The following IRAK3 variants were observed in gnomAD, a reference collection of about 807,000 sequenced individuals.
IRAK3 encodes the protein interleukin-1 receptor-associated kinase 3.
A neutral mutation model predicts 56.6 loss-of-function variants in IRAK3; 57 were observed. That is an observed-to-expected ratio of 1.01 (90% confidence interval 0.81 to 1.26). IRAK3 has a LOEUF of 1.26. IRAK3 is among the 50% of genes most tolerant of loss of function. The pLI is 0.00. For missense variants in IRAK3, 703 were observed against 719.0 expected, an observed-to-expected ratio of 0.98 and a Z score of 0.25; for synonymous variants, 258 against 255.7, an observed-to-expected ratio of 1.01 and a Z score of -0.09.
intron 2 of IRAK3, among the ~76,000 whole-genome samples, chr12:66,204,778 G>GCGCGCGCGCACACACA (rs1026097833): frequency 5.4e-5 from 8 of 147,922 alleles, no homozygotes; most frequent in African/African-American, 1.7e-4. Context: ...GAGCCCTTGC[G>GCGCGCGCGCACACACA]CACACACACA....
intron 5 of IRAK3, among the ~76,000 whole-genome samples, chr12:66,213,727 C>A (rs527748229): frequency 5.3e-5 from 8 of 151,042 alleles, no homozygotes; most frequent in Non-Finnish European, 1.0e-4. Flanking sequence ...GCCTTACTTT[C>A]CTCTCAATTT....
Position 66,189,417 on chromosome 12 carries a change from G to A in IRAK3, c.118G>A (p.Gly40Ser). 1.4e-6 allele frequency: 2 copies of A among 1,409,684 alleles called. No individual in the cohort carries two copies. The highest frequency in any genetic ancestry group is 2.9e-5 in the South Asian group (2 of 69,300). 87.3% of individuals were successfully genotyped at this position (1,409,684 alleles called of 1,614,324 possible). ...TCTGGACAGCTGCGACGGCGCGCTG[G>A]GCTGGCGCGGCCTGGGTGAGTCGGC... ...AVLDSCDGAL[G>S]WRGLAERLSS... Residue 40 changes from glycine (G) to serine (S), a missense_variant, in exon 1 of 12, where the codon GGC (glycine) becomes AGC (serine). Gly to Ser is a moderately conservative substitution (Grantham distance 56). Coordinates refer to ENST00000261233, the MANE Select transcript of IRAK3 (RefSeq NM_007199.3).
Position 66,211,499 on chromosome 12 carries a change from AATTTCC to A in IRAK3, c.492_497del (p.Phe165_His166del). On this transcript the variant is annotated inframe_deletion, in exon 5 of 12. Transcript: ENST00000261233. ...TCAAAATATCATAGAAGGAACTAGA[AATTTCC>A]ACAAAGACTTCCTAATTGGAGAAGG... 6.2e-7 allele frequency: 1 copy of A among 1,606,514 alleles called. No homozygotes were observed. Among genetic ancestry groups the A allele is most frequent in the Non-Finnish European group, 8.5e-7 (1 of 1,172,998 alleles).
intron 1 of IRAK3, chr12:66,197,793 T>C (rs1268570298): frequency 2.0e-6 from 2 of 985,272 alleles, no homozygotes; most frequent in Admixed American, 6.2e-5. Flanking sequence ...ATATTCCAGC[T>C]GAATCTCAGA....
intron 8 of IRAK3, among the ~76,000 whole-genome samples, chr12:66,230,381 G>T (rs1163579069): frequency 6.6e-6 from 1 of 152,174 alleles, no homozygotes; most frequent in African/African-American, 2.4e-5. Flanking sequence ...CAGCTGGAGA[G>T]GTTGAGTTGG....
intron 6 of IRAK3, among the ~76,000 whole-genome samples, chr12:66,219,571 A>G (rs2052710906): frequency 6.6e-6 from 1 of 152,234 alleles, no homozygotes; most frequent in Non-Finnish European, 1.5e-5. Flanking sequence ...ATGGACTAAT[A>G]CATACCCAGA....
At chr12:66,225,460 A>G (rs2052776561) in intron 6 of IRAK3, among the ~76,000 whole-genome samples, 1 of 151,920 alleles carries the variant, frequency 6.6e-6, no homozygotes, top group Admixed American at 6.6e-5. Flanking sequence ...CCCGCCACGT[A>G]CACACAATAT....
chr12:66,240,636 T>C (rs1438240541), intron 8 of IRAK3, among the ~76,000 whole-genome samples: 2 of 151,830 alleles, frequency 1.3e-5, no homozygotes, highest in African/African-American at 4.8e-5. Context: ...AGACAGCACA[T>C]GTGTGCTGTT....
chr12:66,202,903 A>G (rs775433784), intron 1 of IRAK3, among the ~76,000 whole-genome samples: 1 of 152,132 alleles, frequency 6.6e-6, no homozygotes, highest in Non-Finnish European at 1.5e-5. Flanking sequence ...AAAATTATTA[A>G]TGATAGTACT....
chr12:66,196,175 T>G (rs1371601454), intron 1 of IRAK3, among the ~76,000 whole-genome samples: 1 of 152,194 alleles, frequency 6.6e-6, no homozygotes, highest in Non-Finnish European at 1.5e-5. Flanking sequence ...GGATATTTCC[T>G]TCCTTTGTTT....
chr12:66,218,103 A>G (rs1365893517), intron 6 of IRAK3, among the ~76,000 whole-genome samples: 1 of 152,178 alleles, frequency 6.6e-6, no homozygotes, highest in Non-Finnish European at 1.5e-5. Context: ...TTCTCCCACC[A>G]TTATCATCCA....
intron 6 of IRAK3, among the ~76,000 whole-genome samples, chr12:66,221,399 G>A (rs1034438042): frequency 7.9e-5 from 12 of 152,132 alleles, no homozygotes; most frequent in Non-Finnish European, 1.8e-4. Flanking sequence ...GCTCTATCTT[G>A]AATAGAAATG....
intron 8 of IRAK3, among the ~76,000 whole-genome samples, chr12:66,233,293 C>T (rs1592597376): frequency 1.3e-5 from 2 of 152,044 alleles, no homozygotes; most frequent in East Asian, 1.9e-4. Flanking sequence ...ACGAGGCAGG[C>T]GGATCACGAG....
chr12:66,213,533 G>C (rs2052634073), intron 5 of IRAK3, among the ~76,000 whole-genome samples: 1 of 152,144 alleles, frequency 6.6e-6, no homozygotes, highest in Admixed American at 6.5e-5. Flanking sequence ...CTCTGATACT[G>C]TAATGGTGGA....
chr12:66,248,472 C>A lies in IRAK3; in HGVS notation c.*301C>A. 7.4e-6 allele frequency: 2 copies of A among 271,476 alleles called. No homozygotes were observed. The highest frequency in any genetic ancestry group is 1.4e-5 in the Non-Finnish European group (2 of 141,096). 16.8% of individuals were successfully genotyped at this position (271,476 alleles called of 1,614,324 possible). A position where few individuals can be genotyped will look rare whatever the true frequency, so the allele number is the denominator to read the frequency against. Reference sequence around the variant, plus strand: ...TTCAGCCAAACAAAACAATCAAAACCTACCAAAAAGGGACTGGATTGTAAT... The same window carrying A: ...TTCAGCCAAACAAAACAATCAAAACATACCAAAAAGGGACTGGATTGTAAT... On this transcript the variant is annotated 3_prime_UTR_variant, in exon 12 of 12. Transcript: ENST00000261233.
In IRAK3 at chr12:66,214,791, G is replaced by T. The variant is rs2052651939; in HGVS notation, c.589-2380G>T. ...GGTAGTCACCAGTATTTTTTAAAAGGTCCCAAGGTGGTTCACATGTGTAGC... is the reference window on the plus strand; with the variant it reads ...GGTAGTCACCAGTATTTTTTAAAAGTTCCCAAGGTGGTTCACATGTGTAGC... On this transcript the variant is annotated intron_variant, in intron 5 of 11. Transcript: ENST00000261233. 1.3e-5 allele frequency among the ~76,000 whole-genome samples: 2 copies of T among 152,154 alleles called. 1 individual carries two copies. Among genetic ancestry groups the T allele is most frequent in the South Asian group, 4.1e-4 (2 of 4,824 alleles).
chr12:66,193,920 T>A (rs1195545878), intron 1 of IRAK3, among the ~76,000 whole-genome samples: 1 of 152,212 alleles, frequency 6.6e-6, no homozygotes, highest in Non-Finnish European at 1.5e-5. Context: ...AGAGCCTGCT[T>A]TTTTTGTGTT....
chr12:66,221,969 C>T (rs1313241662), intron 6 of IRAK3, among the ~76,000 whole-genome samples: 2 of 152,186 alleles, frequency 1.3e-5, no homozygotes, highest in African/African-American at 4.8e-5. Flanking sequence ...GCGGAGGTTG[C>T]AGTGGGCTGA....
At position 66,251,345 on chromosome 12, in the gene IRAK3, T is replaced by C. The variant is rs929602007; in HGVS notation, c.*3174T>C. 6.6e-6 allele frequency: 1 copy of C among 152,188 alleles called. No individual in the cohort carries two copies. The highest frequency in any genetic ancestry group is 6.5e-5 in the Admixed American group (1 of 15,278). 9.4% of individuals were successfully genotyped at this position (152,188 alleles called of 1,614,324 possible). A position where few individuals can be genotyped will look rare whatever the true frequency, so the allele number is the denominator to read the frequency against. ...ATGAATTAAATGTTGCAACTTTCTA[T>C]GGGTAATAAGAGGATACCTTTATAG... On this transcript the variant is annotated 3_prime_UTR_variant, in exon 12 of 12. Transcript: ENST00000261233.
Sources: gnomAD v4.1 joint callset for allele counts (sites outside exome capture counted in the v4.1 genomes callset) on GRCh38, gnomAD v4.1.1 for gene constraint, MANE v1.5 for transcripts, NCBI Gene and HGNC (gene_info 2026-07-23, HGNC 2026-07-21) for gene names.